Variants in KIAA1217 observed in about 807,000 individuals in gnomAD.
KIAA1217 encodes KIAA1217.
Under a neutral mutation model 163.9 loss-of-function variants are expected in KIAA1217, and 88 were observed. The ratio of observed to expected loss-of-function variants is 0.54; its 90% CI spans 0.45 to 0.64. The LOEUF (loss-of-function observed/expected upper bound fraction) is 0.64, where lower values mean the gene tolerates loss of function less well. Ranked by LOEUF, KIAA1217 falls within the 30% of genes least tolerant of loss-of-function variation. KIAA1217 has a pLI of 0.00. For missense variants in KIAA1217, 2,372 were observed against 2,475.0 expected (o/e 0.96, Z 0.88); for synonymous variants, 903 against 923.1 (o/e 0.98, Z 0.39).
At chr10:24,167,365 T>A (rs1341400215) in intron 2 of KIAA1217, among the ~76,000 whole-genome samples, 1 of 151,866 alleles carries the variant, frequency 6.6e-6, no homozygotes, top group Admixed American at 6.6e-5. Flanking sequence ...CCTATATTTG[T>A]CCTCTCACAA....
intron 2 of KIAA1217, among the ~76,000 whole-genome samples, chr10:24,378,854 T>A (rs7100325): frequency 0.48 from 73,186 of 151,944 alleles, 19,331 homozygotes; most frequent in African/African-American, 0.7. Context: ...AATAGCTATG[T>A]TTAGGAAGTG....
intron 2 of KIAA1217, chr10:24,157,982 C>T (rs921512173): frequency 5.9e-5 from 45 of 756,836 alleles, no homozygotes; most frequent in Middle Eastern, 4.9e-4. Flanking sequence ...TCCACAATCT[C>T]GATCAATTAG....
chr10:24,240,980 T>C (rs1054544910), intron 2 of KIAA1217, among the ~76,000 whole-genome samples: 1 of 152,080 alleles, frequency 6.6e-6, no homozygotes, highest in Admixed American at 6.6e-5. Flanking sequence ...CTCAGCCTCC[T>C]GACTACTGGT....
intron 5 of KIAA1217, among the ~76,000 whole-genome samples, chr10:24,448,245 G>GT (rs973272219): frequency 6.8e-6 from 1 of 145,990 alleles, no homozygotes; most frequent in Non-Finnish European, 1.5e-5. Flanking sequence ...CTTTTTTTGC[G>GT]TGGGGGGGGC....
At chr10:24,365,483 A>G (rs181575560) in intron 2 of KIAA1217, among the ~76,000 whole-genome samples, 78 of 151,996 alleles carry the variant, frequency 5.1e-4, no homozygotes, top group African/African-American at 1.9e-3. Context: ...ATGCATCTGC[A>G]GGGCTTTATT....
chr10:24,419,091 C>T (rs1484635040), intron 3 of KIAA1217, among the ~76,000 whole-genome samples: 9 of 150,384 alleles, frequency 6.0e-5, no homozygotes, highest in South Asian at 2.1e-4. Context: ...GTAAGAGAAT[C>T]GCTTGAACCC....
rs191021586 is a variant in KIAA1217, at chr10:23,830,518, C to T, written c.-321+135284C>T. Among the ~76,000 whole-genome samples the T allele has an allele frequency of 4.0e-3, 615 of 152,204 alleles. 4 individuals are homozygous for T. The highest frequency in any genetic ancestry group is 0.014 in the African/African-American group (569 of 41,536). On this transcript the variant is annotated intron_variant, in intron 1 of 18. Transcript: ENST00000376462. ...AGAGCCTTCTGTCTCTCTGAACTGC[C>T]TTTCTTAGCTCCTAGCTTCAGTAGT...
intron 1 of KIAA1217, among the ~76,000 whole-genome samples, chr10:23,952,620 T>A (rs7088256): frequency 0.43 from 65,645 of 152,074 alleles, 17,620 homozygotes; most frequent in African/African-American, 0.77. Flanking sequence ...GTCTCAGCTT[T>A]AGCTCTGCCA....
intron 1 of KIAA1217, among the ~76,000 whole-genome samples, chr10:23,853,625 G>A (rs1021505685): frequency 1.4e-4 from 22 of 151,954 alleles, no homozygotes; most frequent in Non-Finnish European, 2.5e-4. Context: ...TAGAATTCGC[G>A]TGTGAATCCA....
chr10:23,842,193 A>T (rs11813754), intron 1 of KIAA1217, among the ~76,000 whole-genome samples: 1 of 152,094 alleles, frequency 6.6e-6, no homozygotes, highest in Non-Finnish European at 1.5e-5. Context: ...TTATATCTGC[A>T]TATCTGCCTT....
intron 14 of KIAA1217, among the ~76,000 whole-genome samples, chr10:24,529,928 G>A (rs1279408862): frequency 6.6e-6 from 1 of 151,218 alleles, no homozygotes; most frequent in Admixed American, 6.6e-5. Flanking sequence ...CTCCCAAATA[G>A]CTAGCATTAC....
At position 24,431,595 on chromosome 10, in the gene KIAA1217, G is replaced by A. The variant is rs116978316; in HGVS notation, c.554-1400G>A. 6.3e-3 allele frequency among the ~76,000 whole-genome samples: 966 copies of A among 152,246 alleles called. 6 individuals carry two copies. The highest frequency in any genetic ancestry group is 0.01 in the Middle Eastern group (3 of 294). On this transcript the variant is annotated intron_variant, in intron 3 of 20. Transcript: ENST00000376454. Reference sequence around the variant, plus strand: ...GTGGTTCTTCAGCATGTGACCTCCCGTGTGGCTGGGTTGGACTCCTCAGAA... The same window carrying A: ...GTGGTTCTTCAGCATGTGACCTCCCATGTGGCTGGGTTGGACTCCTCAGAA...
At chr10:23,797,726 G>A (rs1159783543) in intron 1 of KIAA1217, among the ~76,000 whole-genome samples, 1 of 152,106 alleles carries the variant, frequency 6.6e-6, no homozygotes, top group East Asian at 1.9e-4. Context: ...GAAAACAAGG[G>A]GGAAATCTGC....
intron 1 of KIAA1217, among the ~76,000 whole-genome samples, chr10:23,943,401 A>G (rs1843865894): frequency 1.3e-5 from 2 of 152,226 alleles, no homozygotes; most frequent in African/African-American, 4.8e-5. Flanking sequence ...GTAGCTAAGA[A>G]TAAATTTAAC....
Position 24,524,537 on chromosome 10 carries a change from C to G in KIAA1217, c.2671C>G (p.Pro891Ala), listed in dbSNP as rs1454776042. 4.3e-6 allele frequency: 7 copies of G among 1,613,892 alleles called. 1 individual carries two copies. The African/African-American group carries it at 8.0e-5, about 18-fold the overall frequency. ...GMMVRHAQSS[P>A]VVIQPSQHSV... ...GATGGTTCGCCACGCGCAGAGCTCC[C>G]CTGTGGTCATCCAGCCCTCCCAGCA... The change falls in exon 13 of 21, where the codon CCT (proline) becomes GCT (alanine). Residue 891 changes from proline to alanine, a missense_variant. By Grantham distance (27) the Pro-to-Ala change is conservative. Transcript: ENST00000376454.
intron 2 of KIAA1217, among the ~76,000 whole-genome samples, chr10:24,167,257 A>C (rs905112265): frequency 7.5e-5 from 11 of 147,642 alleles, no homozygotes; most frequent in African/African-American, 2.8e-4. Context: ...TTACTTAGAA[A>C]TATTAGAAAG....
At chr10:24,382,103 A>G (rs982974674) in intron 3 of KIAA1217, among the ~76,000 whole-genome samples, 2 of 151,728 alleles carry the variant, frequency 1.3e-5, no homozygotes, top group Admixed American at 1.3e-4. Flanking sequence ...CAAAATGGAC[A>G]AGTCGTGAGG....
At chr10:24,368,540 A>G (rs962019950) in intron 2 of KIAA1217, among the ~76,000 whole-genome samples, 5 of 152,142 alleles carry the variant, frequency 3.3e-5, no homozygotes, top group African/African-American at 9.7e-5. Context: ...AGCATTTTAA[A>G]TTATAATGCT....
rs559342458 is a variant in KIAA1217 at position 24,402,307 on chromosome 10, C to A, written c.553+21240C>A. ...GGATCACGAGGTCAGGAGGTCGAGA[C>A]CATCCTGGCTAACACGGTGAAACCC... On this transcript the variant is annotated intron_variant, in intron 3 of 20. Coordinates refer to ENST00000376454, the MANE Select transcript of KIAA1217 (RefSeq NM_019590.5). 7.2e-5 allele frequency among the ~76,000 whole-genome samples: 11 copies of A among 151,796 alleles called. No individual in the cohort carries two copies. The East Asian group carries it at 2.1e-3, about 30-fold the overall frequency.
Sources: allele counts gnomAD v4.1 joint callset (sites outside exome capture counted in the v4.1 genomes callset), GRCh38; gene constraint gnomAD v4.1.1; transcripts MANE v1.5; gene names NCBI Gene and HGNC (gene_info 2026-07-23, HGNC 2026-07-21).